Variants in TWIST2 observed in about 807,000 individuals in gnomAD.
TWIST2 encodes the protein twist family bHLH transcription factor 2, also known as twist-related protein 2.
A neutral mutation model predicts 11.6 loss-of-function variants in TWIST2; 1 was observed. The ratio of observed to expected loss-of-function variants is 0.09; its 90% CI spans 0.03 to 0.41. The LOEUF (loss-of-function observed/expected upper bound fraction) is 0.41, where lower values mean the gene tolerates loss of function less well. Ranked by LOEUF, TWIST2 falls within the 10% of genes least tolerant of loss-of-function variation. The probability of loss-of-function intolerance (pLI) is 0.98; values close to 1 mark genes in which losing one functional copy is unlikely to be tolerated. For missense variants in TWIST2, 168 were observed against 226.4 expected, an observed-to-expected ratio of 0.74 and a Z score of 1.66; for synonymous variants, 87 against 96.6, an observed-to-expected ratio of 0.90 and a Z score of 0.58.
At position 238,848,232 on chromosome 2, in the gene TWIST2, G is replaced by C. The variant is rs1353919196; in HGVS notation, c.17G>C (p.Ser6Thr). ...GCGGGCGCCATGGAGGAGGGCTCCA[G>C]CTCGCCCGTGTCCCCCGTGGACAGC... MEEGS[S>T]SPVSPVDSLG... Residue 6 changes from serine to threonine, a missense_variant, in exon 1 of 2, where the codon AGC (serine) becomes ACC (threonine). Physicochemically the swap from Ser to Thr is moderately conservative, Grantham distance 58 (BLOSUM62 1). Coordinates refer to ENST00000612363, the MANE Select transcript of TWIST2 (RefSeq NM_001271893.4). The C allele has an allele frequency of 6.9e-7, 1 of 1,459,642 alleles. No individual in the cohort carries two copies. Among genetic ancestry groups the C allele is most frequent in the Admixed American group, 2.2e-5 (1 of 45,216 alleles). 90.4% of individuals were successfully genotyped at this position (1,459,642 alleles called of 1,614,324 possible).
intron 1 of TWIST2, chr2:238,886,833 A>T (rs1693046769): frequency 6.6e-6 from 1 of 152,182 alleles, no homozygotes; most frequent in Non-Finnish European, 1.5e-5. Flanking sequence ...AAACAGAGCG[A>T]AGAGGAAGAG....
At chr2:238,882,393 C>G (rs1005845262) in intron 1 of TWIST2, among the ~76,000 whole-genome samples, 2 of 152,204 alleles carry the variant, frequency 1.3e-5, no homozygotes, top group African/African-American at 4.8e-5. Flanking sequence ...GAAAACAGAT[C>G]AGTACTTTTT....
chr2:238,870,707 T>C (rs1435475694), intron 1 of TWIST2, among the ~76,000 whole-genome samples: 17 of 6,296 alleles, frequency 2.7e-3, no homozygotes, highest in Admixed American at 3.4e-3. Flanking sequence ...TCCCACACAC[T>C]CCCCACACAC....
chr2:238,855,193 A>ATT (rs1692309049), intron 1 of TWIST2, among the ~76,000 whole-genome samples: 2 of 152,122 alleles, frequency 1.3e-5, no homozygotes, highest in African/African-American at 4.8e-5. Flanking sequence ...TCTCAGGGAG[A>ATT]CTGTTTTGTC....
At chr2:238,906,118 G>T (rs1693350911) in intron 1 of TWIST2, among the ~76,000 whole-genome samples, 1 of 152,150 alleles carries the variant, frequency 6.6e-6, no homozygotes, top group Admixed American at 6.5e-5. Flanking sequence ...TGGGCTGCTG[G>T]GGTGAAGCCT....
At chr2:238,899,157 G>A (rs938060778) in intron 1 of TWIST2, among the ~76,000 whole-genome samples, 166 of 152,356 alleles carry the variant, frequency 1.1e-3, no homozygotes, top group African/African-American at 3.7e-3. Context: ...CGCTGGCCAC[G>A]GGAGCCACCT....
At chr2:238,851,383 T>C (rs948642537) in intron 1 of TWIST2, among the ~76,000 whole-genome samples, 1 of 152,200 alleles carries the variant, frequency 6.6e-6, no homozygotes, top group Admixed American at 6.5e-5. Flanking sequence ...CAAAAGGATT[T>C]TTTTAGTATT....
chr2:238,909,507 C>A (rs1693416499), intron 1 of TWIST2, among the ~76,000 whole-genome samples: 1 of 152,152 alleles, frequency 6.6e-6, no homozygotes. Flanking sequence ...GGCTCACCCA[C>A]AGCCAGACCG....
Position 238,867,500 on chromosome 2 carries a change from C to T in TWIST2, c.*35+18767C>T, listed in dbSNP as rs973882866. Among the ~76,000 whole-genome samples the T allele has an allele frequency of 1.1e-4, 17 of 152,068 alleles. No homozygotes were observed. The highest frequency in any genetic ancestry group is 8.3e-4 in the South Asian group (4 of 4,812). ...ATAAAGAGAAGTCCCAGCCAGCTCC[C>T]GGGGTGGTGTGGGCTGAGGAAGAGG... On this transcript the variant is annotated intron_variant, in intron 1 of 1. Transcript: ENST00000612363. This position sits in a 1 kb window ranked among gnomAD's most constrained non-coding sequence, Gnocchi z 4.8.
At chr2:238,882,889 G>C (rs1692962800) in intron 1 of TWIST2, among the ~76,000 whole-genome samples, 1 of 152,154 alleles carries the variant, frequency 6.6e-6, no homozygotes, top group African/African-American at 2.4e-5. Flanking sequence ...TCAGAGCTGA[G>C]GGGCAGATGA....
chr2:238,873,871 T>C (rs1436266786), intron 1 of TWIST2, among the ~76,000 whole-genome samples: 1 of 152,216 alleles, frequency 6.6e-6, no homozygotes, highest in Non-Finnish European at 1.5e-5. Flanking sequence ...TTCTTCTCCT[T>C]TACCGTCCCT....
Position 238,864,074 on chromosome 2 carries a change from GCTACATTT to G in TWIST2, c.*35+15342_*35+15349del, listed in dbSNP as rs1166641997. ...AAGCCTGTCTTCCTTTACACCCTGG[GCTACATTT>G]GACGCATATTTCTGGCAAATTCTGG... On this transcript the variant is annotated intron_variant, in intron 1 of 1. Transcript: ENST00000612363. The surrounding 1 kb of genome is among the most constrained non-coding windows in gnomAD (Gnocchi z 4.7). Among the ~76,000 whole-genome samples, 18 of 152,118 alleles carry G rather than the reference GCTACATTT, an allele frequency of 1.2e-4. No homozygotes were observed. The highest frequency in any genetic ancestry group is 2.2e-4 in the Non-Finnish European group (15 of 68,024).
intron 1 of TWIST2, among the ~76,000 whole-genome samples, chr2:238,860,330 C>T (rs188859948): frequency 3.9e-5 from 6 of 152,318 alleles, no homozygotes; most frequent in Admixed American, 2.6e-4. Flanking sequence ...TTTTCTTCCT[C>T]CCTGATCTGT....
intron 1 of TWIST2, among the ~76,000 whole-genome samples, chr2:238,881,384 T>A (rs1559278890): frequency 6.6e-6 from 1 of 151,414 alleles, no homozygotes; most frequent in Non-Finnish European, 1.5e-5. Flanking sequence ...TTTATTAGTA[T>A]TAGTTACTAT....
At chr2:238,870,124 CCA>C (rs754441108) in intron 1 of TWIST2, among the ~76,000 whole-genome samples, 849 of 78,634 alleles carry the variant, frequency 0.011, 68 homozygotes, top group African/African-American at 0.043. Context: ...CATACACCCC[CCA>C]CACACACACC....
intron 1 of TWIST2, among the ~76,000 whole-genome samples, chr2:238,896,011 C>G (rs1693202566): frequency 6.6e-6 from 1 of 152,212 alleles, no homozygotes. Flanking sequence ...TCCTCGCTCC[C>G]CTGGAGGAGC....
intron 1 of TWIST2, among the ~76,000 whole-genome samples, chr2:238,884,380 G>A (rs1322922917): frequency 2.6e-5 from 4 of 152,254 alleles, no homozygotes; most frequent in African/African-American, 7.2e-5. Context: ...AGGTGAGGCC[G>A]GAGGGCCGCT....
At chr2:238,905,942 T>TGCGC (rs1307469908) in intron 1 of TWIST2, among the ~76,000 whole-genome samples, 1 of 109,734 alleles carries the variant, frequency 9.1e-6, no homozygotes, top group South Asian at 2.5e-4. Context: ...CGCGTGTGTG[T>TGCGC]GCGCGCGCGT....
At chr2:238,865,344 C>T (rs36170382) in intron 1 of TWIST2, among the ~76,000 whole-genome samples, 68,667 of 152,080 alleles carry the variant, frequency 0.45, 18,930 homozygotes, top group Non-Finnish European at 0.62. Flanking sequence ...TAAACGACGG[C>T]GCACAGGGAC....
Sources: gnomAD v4.1 joint callset for allele counts (sites outside exome capture counted in the v4.1 genomes callset) on GRCh38, gnomAD v4.1.1 for gene constraint, Gnocchi (gnomAD v3.1) non-coding constraint, MANE v1.5 for transcripts, NCBI Gene and HGNC (gene_info 2026-07-23, HGNC 2026-07-21) for gene names.